The following FTCDNL1 variants were observed in gnomAD, a reference collection of about 807,000 sequenced individuals.
FTCDNL1 encodes formiminotransferase cyclodeaminase N-terminal like.
FTCDNL1 carries 11 observed loss-of-function variants against 5.9 expected under a neutral mutation model. The observed-to-expected ratio is 1.87, with a 90% CI of 1.18 to 3.10. The LOEUF is 3.10. Ranked by LOEUF, FTCDNL1 falls within the 30% of genes most tolerant of loss-of-function variation. The probability of loss-of-function intolerance (pLI) is 0.00; values close to 1 mark genes in which losing one functional copy is unlikely to be tolerated. For synonymous variants in FTCDNL1, 58 were observed against 24.8 expected, an observed-to-expected ratio of 2.34 and a Z score of -3.99; for missense variants, 115 against 65.5, an observed-to-expected ratio of 1.76 and a Z score of -2.61.
chr2:199,849,214 C>T (rs1012312729), intron 1 of FTCDNL1, among the ~76,000 whole-genome samples: 1 of 152,142 alleles, frequency 6.6e-6, no homozygotes, highest in Non-Finnish European at 1.5e-5. Flanking sequence ...GGGTCCTCAG[C>T]GTGAATTTCA....
chr2:199,690,545 A>G, the FTCDNL1 span, among the ~76,000 whole-genome samples: 1 of 152,138 alleles, frequency 6.6e-6, no homozygotes, highest in Non-Finnish European at 1.5e-5. Context: ...CCTTTCAAAG[A>G]CCACCTCAGA....
At chr2:199,677,419 T>C in the FTCDNL1 span, among the ~76,000 whole-genome samples, 32 of 152,196 alleles carry the variant, frequency 2.1e-4, 1 homozygote, top group African/African-American at 7.2e-4. Context: ...AAAGTGATCA[T>C]GCCATCTAGG....
Position 199,798,844 on chromosome 2 carries a change from A to C in FTCDNL1, c.212-38009T>G, listed in dbSNP as rs189214352. Among the ~76,000 whole-genome samples the C allele has an allele frequency of 2.0e-3, 300 of 152,358 alleles. 2 individuals carry two copies. Among genetic ancestry groups the C allele is most frequent in the African/African-American group, 6.6e-3 (274 of 41,584 alleles). On this transcript the variant is annotated intron_variant, in intron 3 of 3. Transcript: ENST00000416668. ...AGCCAAATAAGTCAATAGCTGTGGA[A>C]GTCGGGAAAACCACAATGTAAATGC...
chr2:199,843,044 T>G (rs2076634061), intron 3 of FTCDNL1, among the ~76,000 whole-genome samples: 1 of 152,138 alleles, frequency 6.6e-6, no homozygotes, highest in African/African-American at 2.4e-5. Flanking sequence ...ATCAAAATAG[T>G]AACCATGTAC....
the FTCDNL1 span, among the ~76,000 whole-genome samples, chr2:199,718,540 A>AT: frequency 2.8e-4 from 43 of 152,136 alleles, no homozygotes; most frequent in African/African-American, 9.2e-4. Context: ...TAGTATAATG[A>AT]TTTTTTTCCC....
At chr2:199,807,329 C>T (rs898081617), downstream of FTCDNL1, among the ~76,000 whole-genome samples, 11 of 152,158 alleles carry the variant, frequency 7.2e-5, no homozygotes, top group Admixed American at 7.2e-4. Context: ...AGAGGTGTGT[C>T]TGTGCTTGTT....
At chr2:199,737,048 T>G in the FTCDNL1 span, among the ~76,000 whole-genome samples, 10 of 152,354 alleles carry the variant, frequency 6.6e-5, no homozygotes, top group East Asian at 1.9e-3. Context: ...TATCATGGAA[T>G]AAATTTCCAA....
chr2:199,827,463 G>A (rs1228236822), intron 3 of FTCDNL1, among the ~76,000 whole-genome samples: 3 of 152,100 alleles, frequency 2.0e-5, no homozygotes, highest in Non-Finnish European at 4.4e-5. Flanking sequence ...TATACACTGG[G>A]TATTAGATGG....
At chr2:199,850,292 G>A (rs2076841186) in intron 1 of FTCDNL1, among the ~76,000 whole-genome samples, 1 of 152,180 alleles carries the variant, frequency 6.6e-6, no homozygotes, top group Non-Finnish European at 1.5e-5. Flanking sequence ...TACACAAGGG[G>A]TGTGGGCGTC....
the FTCDNL1 span, among the ~76,000 whole-genome samples, chr2:199,715,039 C>T: frequency 6.6e-6 from 1 of 151,852 alleles, no homozygotes; most frequent in Non-Finnish European, 1.5e-5. Flanking sequence ...CACATGTATA[C>T]ATATGTAACT....
the FTCDNL1 span, among the ~76,000 whole-genome samples, chr2:199,679,166 A>G: frequency 6.6e-6 from 1 of 152,084 alleles, no homozygotes; most frequent in African/African-American, 2.4e-5. Context: ...CATTAACTAC[A>G]TATTTAATAT....
chr2:199,732,534 C>T, the FTCDNL1 span, among the ~76,000 whole-genome samples: 1 of 151,978 alleles, frequency 6.6e-6, no homozygotes, highest in African/African-American at 2.4e-5. Flanking sequence ...AACTCAGTTA[C>T]ATCTCTTCCT....
downstream of FTCDNL1, among the ~76,000 whole-genome samples, chr2:199,804,564 C>A (rs917097695): frequency 1.6e-4 from 25 of 152,146 alleles, 1 homozygote; most frequent in African/African-American, 5.8e-4. Flanking sequence ...CTCAGACTCC[C>A]TACTGGTGGA....
At chr2:199,694,873 A>G in the FTCDNL1 span, among the ~76,000 whole-genome samples, 1 of 152,238 alleles carries the variant, frequency 6.6e-6, no homozygotes, top group East Asian at 1.9e-4. Context: ...ATTGACTTAA[A>G]ACAGCAAGCA....
the FTCDNL1 span, among the ~76,000 whole-genome samples, chr2:199,728,402 A>G: frequency 6.6e-6 from 1 of 151,930 alleles, no homozygotes; most frequent in Admixed American, 6.6e-5. Flanking sequence ...TCCCGCCACC[A>G]TGCCTGGCTA....
At chr2:199,744,825 C>T in the FTCDNL1 span, among the ~76,000 whole-genome samples, 1 of 152,238 alleles carries the variant, frequency 6.6e-6, no homozygotes, top group African/African-American at 2.4e-5. Context: ...TCCCAACCTT[C>T]GTAGGTGTAA....
the FTCDNL1 span, among the ~76,000 whole-genome samples, chr2:199,686,070 G>A: frequency 6.6e-6 from 1 of 152,182 alleles, no homozygotes; most frequent in African/African-American, 2.4e-5. Flanking sequence ...TGGAGGAATA[G>A]CTGGGAAAGT....
chr2:199,720,837 C>T, the FTCDNL1 span, among the ~76,000 whole-genome samples: 1 of 151,954 alleles, frequency 6.6e-6, no homozygotes, highest in African/African-American at 2.4e-5. Flanking sequence ...ATTCAATCCA[C>T]TACATTATGT....
At chr2:199,687,646 G>C in the FTCDNL1 span, among the ~76,000 whole-genome samples, 38 of 151,950 alleles carry the variant, frequency 2.5e-4, no homozygotes, top group African/African-American at 8.7e-4. Flanking sequence ...AAATATATAT[G>C]GCCCAGGGAT....
Sources: gnomAD v4.1 joint callset for allele counts (sites outside exome capture counted in the v4.1 genomes callset) on GRCh38, gnomAD v4.1.1 for gene constraint, MANE v1.5 for transcripts, NCBI Gene and HGNC (gene_info 2026-07-23, HGNC 2026-07-21) for gene names.